FAT1: variants seen among roughly 807,000 people sequenced by gnomAD.
The protein encoded by FAT1 is FAT atypical cadherin 1.
FAT1 carries 171 observed loss-of-function variants against 329.8 expected under a neutral mutation model. The ratio of observed to expected loss-of-function variants is 0.52; its 90% CI spans 0.46 to 0.59. The LOEUF is 0.59. Ranked by LOEUF, FAT1 falls within the 20% of genes least tolerant of loss-of-function variation. The pLI, the probability that FAT1 is intolerant of heterozygous loss-of-function variation, is 0.00. For missense variants in FAT1, 5,672 were observed against 5,774.4 expected (o/e 0.98, Z 0.57); for synonymous variants, 2,233 against 2,228.6 (o/e 1.00, Z -0.06).
intron 2 of FAT1, among the ~76,000 whole-genome samples, chr4:186,682,968 C>T (rs1231297924): frequency 1.3e-5 from 2 of 152,186 alleles, no homozygotes; most frequent in Non-Finnish European, 2.9e-5. Context: ...GGGTCACTCC[C>T]GTGTAAGGGG....
At chr4:186,672,540 C>T (rs1449746615) in intron 2 of FAT1, among the ~76,000 whole-genome samples, 1 of 152,072 alleles carries the variant, frequency 6.6e-6, no homozygotes, top group Non-Finnish European at 1.5e-5. Context: ...AACTCAGTGG[C>T]CTGATGATGA....
chr4:186,718,139 G>C (rs115007129), intron 1 of FAT1, among the ~76,000 whole-genome samples: 1 of 152,136 alleles, frequency 6.6e-6, no homozygotes, highest in Non-Finnish European at 1.5e-5. Flanking sequence ...GAAAGTGAAT[G>C]TTCCATGTAC....
At chr4:186,713,638 C>T (rs965580786) in intron 1 of FAT1, among the ~76,000 whole-genome samples, 1 of 152,110 alleles carries the variant, frequency 6.6e-6, no homozygotes, top group South Asian at 2.1e-4. Flanking sequence ...ATTTGTCTAT[C>T]TTCCTCCATT....
At chr4:186,615,275 AT>A (rs1739659750) in intron 11 of FAT1, among the ~76,000 whole-genome samples, 1 of 152,182 alleles carries the variant, frequency 6.6e-6, no homozygotes, top group African/African-American at 2.4e-5. Flanking sequence ...AAGAACTGGA[AT>A]TAACTCCTCA....
rs2126618317 is a variant in FAT1 at position 186,663,544 on chromosome 4, G to A, written c.3335C>T (p.Thr1112Ile). ...TSHYWLTVFA[T>I]DQGVVPLSSF... is the part of the protein sequence containing the mutation. The stretch of plus-strand genomic sequence containing the variant: ...TGAAAGAGGCACGACACCCTGATCG[G>A]TTGCAAAGACTGTTAGCCAATAATG... Residue 1112 changes from threonine (T) to isoleucine (I), a missense_variant, in exon 3 of 27, where the codon ACC becomes ATC. Thr to Ile is a moderately conservative substitution (Grantham distance 89). This residue lies in a region of FAT1 where 3,966 missense variants were observed against 3,915.2 expected (regional missense o/e 1.01). Coordinates refer to ENST00000441802, the MANE Select transcript of FAT1 (RefSeq NM_005245.4). The A allele has an allele frequency of 6.2e-7, 1 of 1,613,654 alleles. No homozygotes were observed.
In FAT1 at chr4:186,620,520, T is replaced by C; in HGVS notation, c.6066A>G (p.Arg2022=). The stretch of plus-strand genomic sequence containing the variant: ...CTCCTGAAGTGCGGCTTATTTTAAA[T>C]CTGCGATCTGGGTTGAGGATGTGAT... The part of the protein sequence containing the change: ...LFYHILNPDR[R]FKISRTSGVL... Residue 2022 remains arginine, a synonymous_variant, in exon 10 of 27, where the codon AGA becomes AGG. Coordinates refer to ENST00000441802, the MANE Select transcript of FAT1 (RefSeq NM_005245.4). The C allele has an allele frequency of 1.9e-6, 3 of 1,614,004 alleles. No homozygotes were observed. The highest frequency in any genetic ancestry group is 2.5e-6 in the Non-Finnish European group (3 of 1,179,892).
chr4:186,592,600 G>C (rs1738297912), intron 26 of FAT1: 1 of 439,556 alleles, frequency 2.3e-6, no homozygotes, highest in Non-Finnish European at 4.6e-6. Flanking sequence ...ACCACAAACT[G>C]TTTTTTCCTA....
chr4:186,594,316 C>T (rs1486101273), intron 26 of FAT1, among the ~76,000 whole-genome samples: 1 of 152,050 alleles, frequency 6.6e-6, no homozygotes, highest in Admixed American at 6.6e-5. Context: ...CCGCCTTCAC[C>T]TCCCAAAGTG....
At chr4:186,641,267 C>T (rs1301921560) in intron 3 of FAT1, among the ~76,000 whole-genome samples, 1 of 152,164 alleles carries the variant, frequency 6.6e-6, no homozygotes, top group African/African-American at 2.4e-5. Flanking sequence ...TGGGGTTTTC[C>T]CAGATCATAG....
Position 186,710,814 on chromosome 4 carries a change from A to G in FAT1, c.-18-969T>C, listed in dbSNP as rs947178238. On this transcript the variant is annotated intron_variant, in intron 1 of 26. Transcript: ENST00000441802. ...AAGGGTCAAATCAGTCTATTAATAC[A>G]TGGTGGCAGACTCTGCAGGACAGTC... Among the ~76,000 whole-genome samples the G allele has an allele frequency of 5.9e-5, 9 of 152,340 alleles. No individual in the cohort carries two copies. In the South Asian group the frequency reaches 1.5e-3, roughly 25 times the overall value.
At chr4:186,714,749 C>T (rs1745128805) in intron 1 of FAT1, among the ~76,000 whole-genome samples, 1 of 152,178 alleles carries the variant, frequency 6.6e-6, no homozygotes, top group Non-Finnish European at 1.5e-5. Flanking sequence ...ACAGCTGAAG[C>T]CTAACATTAG....
rs2126506621 is a variant in FAT1 at position 186,619,542 on chromosome 4, C to T, written c.7044G>A (p.Leu2348=). 1 of 1,613,880 alleles carries T rather than the reference C, an allele frequency of 6.2e-7. No homozygotes were observed. The highest frequency in any genetic ancestry group is 8.5e-7 in the Non-Finnish European group (1 of 1,179,878). Residue 2348 remains leucine (L), a synonymous_variant, in exon 10 of 27, where the codon CTG becomes CTA. Coordinates refer to ENST00000441802, the MANE Select transcript of FAT1 (RefSeq NM_005245.4). The stretch of plus-strand genomic sequence containing the variant: ...TGTGCTGCCGGGACTGCTCGTAATC[C>T]AGGGTTCTGAGTAGTGAGATGAGGC... The part of the protein sequence containing the change: ...STGLISLLRT[L]DYEQSRQHTI...
At chr4:186,610,140 C>A in intron 14 of FAT1, 125 bp from the exon 15 acceptor site, 1 of 603,618 alleles carries the variant, frequency 1.7e-6, no homozygotes, top group Non-Finnish European at 2.9e-6. Flanking sequence ...TTACCATTTA[C>A]GTATGTTTCC....
rs761872072 is a variant in FAT1 at position 186,595,702 on chromosome 4, C to A, written c.13125G>T (p.Ser4375=). 9 of 1,613,938 alleles carry A rather than the reference C, an allele frequency of 5.6e-6. No homozygotes were observed. The highest frequency in any genetic ancestry group is 7.6e-6 in the Non-Finnish European group (9 of 1,179,872). ...VQSLSSFQSE[S]CDDNGYHWDT... is the part of the protein sequence containing the mutation. ...CTGCTGCCTCACCATTGTCATCGCA[C>A]GATTCGGACTGGAAGGAGCTCAGAG... is the stretch of plus-strand genomic sequence containing the variant. The change falls in exon 26 of 27, where the codon TCG becomes TCT. Residue 4375 remains serine, a synonymous_variant. Coordinates refer to ENST00000441802, the MANE Select transcript of FAT1 (RefSeq NM_005245.4).
chr4:186,597,015 C>T lies in FAT1; in HGVS notation c.12525G>A (p.Trp4175Ter), dbSNP rs1477895983. 1 of 1,614,018 alleles carries T rather than the reference C, an allele frequency of 6.2e-7. No homozygotes were observed. Among genetic ancestry groups the T allele is most frequent in the Admixed American group, 1.7e-5 (1 of 60,024 alleles). Residue 4175 changes from tryptophan to a stop codon, truncating the protein, a stop_gained, in exon 25 of 27, where the codon TGG (tryptophan) becomes TGA (stop). Transcript: ENST00000441802. LOFTEE classifies it high-confidence loss of function. Reference sequence around the variant, plus strand: ...CAATTCCTTCCGCCAACCCAATGTTCCACGGCGTGGACACATACTGGTTGG... The same window carrying T: ...CAATTCCTTCCGCCAACCCAATGTTTCACGGCGTGGACACATACTGGTTGG... ...AAPNQYVSTP[W>*]NIGLAEGIGI...
At chr4:186,623,056 A>G (rs1200664002) in intron 9 of FAT1, among the ~76,000 whole-genome samples, 1 of 152,138 alleles carries the variant, frequency 6.6e-6, no homozygotes, top group Non-Finnish European at 1.5e-5. Context: ...TTCCTTTCAT[A>G]CATTTTCCAA....
intron 1 of FAT1, among the ~76,000 whole-genome samples, chr4:186,720,918 C>A (rs545911513): frequency 6.6e-6 from 1 of 152,316 alleles, no homozygotes; most frequent in East Asian, 1.9e-4. Context: ...AATCCAGGCA[C>A]AACCACGAGG....
At chr4:186,671,310 A>T (rs867056298) in intron 2 of FAT1, among the ~76,000 whole-genome samples, 72 of 152,274 alleles carry the variant, frequency 4.7e-4, no homozygotes, top group Admixed American at 5.9e-4. Context: ...GTAAAATAAT[A>T]AAAAAATATT....
chr4:186,601,589 G>C, intron 20 of FAT1, 163 bp from the exon 21 acceptor site: 1 of 494,096 alleles, frequency 2.0e-6, no homozygotes, highest in Non-Finnish European at 3.5e-6. Flanking sequence ...TTAATGAAAA[G>C]CCCAGCATGA....
Sources: gnomAD v4.1 joint callset for allele counts (sites outside exome capture counted in the v4.1 genomes callset) on GRCh38, gnomAD v4.1.1 for gene constraint, gnomAD v4.1.1 regional missense constraint, MANE v1.5 for transcripts, NCBI Gene and HGNC (gene_info 2026-07-23, HGNC 2026-07-21) for gene names.